PCDH7: variants seen among roughly 807,000 people sequenced by gnomAD.
PCDH7 encodes protocadherin 7, also known as protocadherin-7.
In PCDH7, 17 loss-of-function variants were observed where a neutral mutation model predicts 58.9. The observed-to-expected ratio is 0.29, with a 90% CI of 0.20 to 0.43. The LOEUF (loss-of-function observed/expected upper bound fraction) is 0.43, where lower values mean the gene tolerates loss of function less well. Ranked by LOEUF, PCDH7 falls within the 20% of genes least tolerant of loss-of-function variation. PCDH7 has a pLI of 1.00. For synonymous variants in PCDH7, 664 were observed against 616.4 expected, an observed-to-expected ratio of 1.08 and a Z score of -1.14; for missense variants, 1,274 against 1,441.0, an observed-to-expected ratio of 0.88 and a Z score of 1.88.
At chr4:30,983,703 G>A (rs766392816) in intron 3 of PCDH7, among the ~76,000 whole-genome samples, 22 of 152,148 alleles carry the variant, frequency 1.4e-4, no homozygotes, top group Non-Finnish European at 2.4e-4. Flanking sequence ...TGCATTCCTT[G>A]TAGAATGGAA....
At chr4:30,920,990 C>A (rs1178849567) in intron 2 of PCDH7, among the ~76,000 whole-genome samples, 1 of 151,974 alleles carries the variant, frequency 6.6e-6, no homozygotes, top group Non-Finnish European at 1.5e-5. Flanking sequence ...TCATAATACT[C>A]CATATTTTTA....
chr4:30,880,694 C>T (rs965364542), intron 1 of PCDH7, among the ~76,000 whole-genome samples: 1 of 152,102 alleles, frequency 6.6e-6, no homozygotes, highest in African/African-American at 2.4e-5. Flanking sequence ...CTCAAAAAGG[C>T]CAACCTCTCC....
intron 2 of PCDH7, among the ~76,000 whole-genome samples, chr4:30,938,967 A>G (rs1313405077): frequency 6.6e-6 from 1 of 152,168 alleles, no homozygotes; most frequent in Non-Finnish European, 1.5e-5. Flanking sequence ...GTAAAAATAT[A>G]CAAATATATT....
chr4:30,779,003 G>GTTTTT lies in PCDH7; in HGVS notation c.70+54431_70+54435dup, dbSNP rs386399674. The stretch of plus-strand genomic sequence containing the variant: ...TGATTCCAAATGGCCTCCTTACTCC[G>GTTTTT]TTTTTTTTTTTTTTTTTTTTTTTTT... On this transcript the variant is annotated intron_variant, in intron 1 of 3. Coordinates refer to the PCDH7 transcript ENST00000509759. Among the ~76,000 whole-genome samples, 34 of 73,008 alleles carry GTTTTT rather than the reference G, an allele frequency of 4.7e-4. 4 individuals carry two copies. The highest frequency in any genetic ancestry group is 1.2e-3 in the African/African-American group (21 of 17,652). 47.9% of individuals were successfully genotyped at this position (73,008 alleles called of 152,430 possible).
chr4:30,988,108 T>C (rs1751140571), intron 3 of PCDH7, among the ~76,000 whole-genome samples: 1 of 152,204 alleles, frequency 6.6e-6, no homozygotes, highest in Non-Finnish European at 1.5e-5. Context: ...TTGTAAAAAT[T>C]GTGTGTTTTA....
intron 1 of PCDH7, among the ~76,000 whole-genome samples, chr4:30,791,254 A>G (rs1056205075): frequency 4.6e-5 from 7 of 152,136 alleles, no homozygotes; most frequent in Non-Finnish European, 7.4e-5. Flanking sequence ...AGTGTCTGGA[A>G]TTCAGCCTGC....
At chr4:30,908,285 G>A (rs544012844) in intron 1 of PCDH7, among the ~76,000 whole-genome samples, 1 of 151,232 alleles carries the variant, frequency 6.6e-6, no homozygotes, top group South Asian at 2.1e-4. Context: ...AAAGAAATGG[G>A]CTTCCTAATT....
At chr4:30,778,251 T>C (rs1005449760) in intron 1 of PCDH7, among the ~76,000 whole-genome samples, 8 of 152,124 alleles carry the variant, frequency 5.3e-5, no homozygotes, top group Admixed American at 3.9e-4. Context: ...TTGGTAGACT[T>C]TAATTAAACT....
rs1389475283 is a variant in PCDH7, at chr4:31,070,192, T to C, written c.*8-72281T>C. ...TGCATGTGTGTACGAGAATAAATTCTTCATATTTCCACCTTAGATATTCTC... is the reference window on the plus strand; with the variant it reads ...TGCATGTGTGTACGAGAATAAATTCCTCATATTTCCACCTTAGATATTCTC... On this transcript the variant is annotated intron_variant, in intron 3 of 3. Coordinates refer to the PCDH7 transcript ENST00000509759. Among the ~76,000 whole-genome samples the C allele has an allele frequency of 2.0e-5, 3 of 152,074 alleles. No homozygotes were observed. The East Asian group carries it at 5.8e-4, about 29-fold the overall frequency.
chr4:31,070,094 G>A (rs1052407125), intron 3 of PCDH7, among the ~76,000 whole-genome samples: 6 of 151,914 alleles, frequency 3.9e-5, no homozygotes, highest in South Asian at 4.1e-4. Flanking sequence ...AATGTATTCC[G>A]TGCCTAAAGT....
At chr4:30,740,420 G>C (rs1716905812) in intron 1 of PCDH7, among the ~76,000 whole-genome samples, 1 of 151,974 alleles carries the variant, frequency 6.6e-6, no homozygotes, top group African/African-American at 2.4e-5. Flanking sequence ...TTTATCCTGT[G>C]CTTTTGGGAA....
intron 3 of PCDH7, among the ~76,000 whole-genome samples, chr4:31,038,315 T>A (rs1755577432): frequency 6.6e-6 from 1 of 150,826 alleles, no homozygotes; most frequent in Admixed American, 6.6e-5. Flanking sequence ...AAGTTCATGT[T>A]AAAATTGTAT....
At chr4:30,894,491 ATATATATATATAT>A (rs1216202707) in intron 1 of PCDH7, among the ~76,000 whole-genome samples, 2 of 28,122 alleles carry the variant, frequency 7.1e-5, no homozygotes, top group Non-Finnish European at 1.4e-4. Flanking sequence ...AAAAAAAAAA[ATATATATATATAT>A]ATATATATAT....
chr4:30,952,374 G>T lies in PCDH7; in HGVS notation c.*7+2159G>T, dbSNP rs529717277. Reference sequence around the variant, plus strand: ...CATGGGATTATAGGAAAATAAAGAGGCTATGCTTGAATAGGAAAACAGTTG... The same window carrying T: ...CATGGGATTATAGGAAAATAAAGAGTCTATGCTTGAATAGGAAAACAGTTG... On this transcript the variant is annotated intron_variant, in intron 3 of 3. Transcript: ENST00000509759. Among the ~76,000 whole-genome samples, 32 of 152,006 alleles carry T rather than the reference G, an allele frequency of 2.1e-4. No homozygotes were observed. The South Asian group carries it at 6.6e-3, about 32-fold the overall frequency.
chr4:30,920,391 A>G (rs763242299), intron 2 of PCDH7, 22 bp downstream of exon 2: 1 of 1,358,188 alleles, frequency 7.4e-7, no homozygotes, highest in Non-Finnish European at 9.9e-7. Context: ...CACAACATCC[A>G]CACACATAAT....
At chr4:31,067,892 C>A (rs1385743077) in intron 3 of PCDH7, among the ~76,000 whole-genome samples, 4 of 151,850 alleles carry the variant, frequency 2.6e-5, no homozygotes, top group African/African-American at 9.7e-5. Context: ...CGGCGCAATA[C>A]CTTACATTCT....
intron 2 of PCDH7, among the ~76,000 whole-genome samples, chr4:30,929,846 A>T (rs1744341742): frequency 6.6e-6 from 1 of 152,116 alleles, no homozygotes; most frequent in South Asian, 2.1e-4. Context: ...CCATTGTTTC[A>T]GTTCCTTATG....
intron 3 of PCDH7, among the ~76,000 whole-genome samples, chr4:30,995,687 G>A (rs760674264): frequency 3.9e-5 from 6 of 152,136 alleles, no homozygotes; most frequent in Non-Finnish European, 5.9e-5. Context: ...GTAAGGCTGC[G>A]TTCCTTCTGG....
intron 1 of PCDH7, among the ~76,000 whole-genome samples, chr4:30,881,269 T>A (rs2109371119): frequency 6.6e-6 from 1 of 152,030 alleles, no homozygotes; most frequent in South Asian, 2.1e-4. Flanking sequence ...TTCAAACTGC[T>A]TGAACCCAGG....
Sources: allele counts gnomAD v4.1 joint callset (sites outside exome capture counted in the v4.1 genomes callset), GRCh38; gene constraint gnomAD v4.1.1; transcripts MANE v1.5; gene names NCBI Gene and HGNC (gene_info 2026-07-23, HGNC 2026-07-21).